Variants in SLC38A1 observed in about 807,000 individuals in gnomAD.
SLC38A1 encodes the protein sodium-coupled neutral amino acid symporter 1.
SLC38A1 carries 18 observed loss-of-function variants against 60.3 expected under a neutral mutation model. That is an observed-to-expected ratio of 0.30 (90% CI 0.21 to 0.44). The LOEUF (loss-of-function observed/expected upper bound fraction) is 0.44, where lower values mean the gene tolerates loss of function less well. Among genes scored for constraint, SLC38A1 ranks in the 20% least tolerant of loss-of-function variants. The pLI, the probability that SLC38A1 is intolerant of heterozygous loss-of-function variation, is 1.00. For missense variants in SLC38A1, 448 were observed against 587.2 expected, an observed-to-expected ratio of 0.76 and a Z score of 2.45; for synonymous variants, 196 against 212.1, an observed-to-expected ratio of 0.92 and a Z score of 0.66.
intron 16 of SLC38A1, chr12:46,196,042 C>T (rs1399358261): frequency 2.2e-5 from 24 of 1,085,118 alleles, no homozygotes; most frequent in African/African-American, 7.9e-5. Flanking sequence ...ATCGATCTTG[C>T]TGGGAGCTGC....
At chr12:46,203,322 G>A (rs757300620) in intron 11 of SLC38A1, among the ~76,000 whole-genome samples, 2 of 152,104 alleles carry the variant, frequency 1.3e-5, no homozygotes, top group African/African-American at 2.4e-5. Context: ...CTCACCTATG[G>A]TGTATTTTAT....
chr12:46,218,415 C>T (rs145556170), intron 5 of SLC38A1, among the ~76,000 whole-genome samples: 21 of 151,724 alleles, frequency 1.4e-4, no homozygotes, highest in Admixed American at 4.6e-4. Context: ...ACTTTTGTTC[C>T]GGTAGAAAGG....
At chr12:46,230,039 T>G (rs1406078046) in intron 3 of SLC38A1, among the ~76,000 whole-genome samples, 1 of 152,226 alleles carries the variant, frequency 6.6e-6, no homozygotes, top group African/African-American at 2.4e-5. Flanking sequence ...ATAAATTAAT[T>G]TTTGTATAGT....
intron 5 of SLC38A1, among the ~76,000 whole-genome samples, chr12:46,226,617 CTTTTTTTTTTT>C (rs199599486): frequency 8.1e-5 from 10 of 122,970 alleles, no homozygotes; most frequent in Admixed American, 1.7e-4. Flanking sequence ...CATGGATTTC[CTTTTTTTTTTT>C]TTTTTTTTTT....
At chr12:46,230,023 T>A (rs1941011945) in intron 3 of SLC38A1, among the ~76,000 whole-genome samples, 1 of 152,186 alleles carries the variant, frequency 6.6e-6, no homozygotes, top group Admixed American at 6.5e-5. Flanking sequence ...AAACACTATA[T>A]GCAACATAAA....
intron 9 of SLC38A1, 44 bp downstream of exon 9, chr12:46,206,036 A>T: frequency 2.6e-6 from 3 of 1,167,820 alleles, no homozygotes; most frequent in Non-Finnish European, 3.8e-6. Context: ...TTTCTGATTC[A>T]CTTGGGCACT....
At chr12:46,236,912 G>C (rs1303680943) in intron 3 of SLC38A1, among the ~76,000 whole-genome samples, 1 of 152,130 alleles carries the variant, frequency 6.6e-6, no homozygotes, top group Non-Finnish European at 1.5e-5. Flanking sequence ...TGGCAGCACT[G>C]GTCTAATGGA....
At chr12:46,263,333 A>G (rs915450468) in intron 1 of SLC38A1, among the ~76,000 whole-genome samples, 8 of 152,296 alleles carry the variant, frequency 5.3e-5, no homozygotes, top group Non-Finnish European at 8.8e-5. Flanking sequence ...TAGAGAACAC[A>G]TGTCCCATCT....
chr12:46,211,694 T>G (rs923619296), intron 5 of SLC38A1, among the ~76,000 whole-genome samples: 1 of 152,192 alleles, frequency 6.6e-6, no homozygotes, highest in African/African-American at 2.4e-5. Flanking sequence ...TGTTCACTTA[T>G]CTTCTTCCCC....
At chr12:46,229,300 A>C (rs1364118669) in intron 4 of SLC38A1, 32 bp from the exon 5 acceptor site, 1 of 1,426,182 alleles carries the variant, frequency 7.0e-7, no homozygotes, top group East Asian at 2.3e-5. Flanking sequence ...GACACTAAGC[A>C]AAATAATCCC....
At chr12:46,196,562 G>T (rs1307508418) in intron 16 of SLC38A1, among the ~76,000 whole-genome samples, 1 of 152,106 alleles carries the variant, frequency 6.6e-6, no homozygotes, top group Non-Finnish European at 1.5e-5. Context: ...GATAAGGCTT[G>T]GAAGGATTTG....
chr12:46,193,806 T>G (rs530729084), intron 16 of SLC38A1, among the ~76,000 whole-genome samples: 10 of 152,270 alleles, frequency 6.6e-5, no homozygotes, highest in Admixed American at 6.5e-4. Flanking sequence ...CTCCATCCTT[T>G]TATTTTGAGC....
At chr12:46,253,261 A>C (rs1450633928) in intron 1 of SLC38A1, among the ~76,000 whole-genome samples, 1 of 152,202 alleles carries the variant, frequency 6.6e-6, no homozygotes, top group African/African-American at 2.4e-5. Context: ...GGATCTCAGG[A>C]AAGAAAGAAT....
At chr12:46,266,501 T>G (rs942649375) in intron 1 of SLC38A1, among the ~76,000 whole-genome samples, 1 of 151,900 alleles carries the variant, frequency 6.6e-6, no homozygotes, top group African/African-American at 2.4e-5. Flanking sequence ...ATTATGGAAA[T>G]AGCTGATCCC....
Position 46,268,870 on chromosome 12 carries a change from C to T in SLC38A1, c.-553G>A, listed in dbSNP as rs1237604501. ...CTCGCCGGCCTCGCACTTACATCGA[C>T]ATGCACCGGCGCTGAGGGTCACGAA... is the stretch of plus-strand genomic sequence containing the variant. On this transcript the variant is annotated 5_prime_UTR_variant, in exon 1 of 17. The change abolishes an upstream ATG in the 5' untranslated region. Coordinates refer to ENST00000398637, the MANE Select transcript of SLC38A1 (RefSeq NM_030674.4). This position sits in a 1 kb window ranked among gnomAD's most constrained non-coding sequence, Gnocchi z 4.4. 2.2e-6 allele frequency: 1 copy of T among 455,936 alleles called. No homozygotes were observed. Among genetic ancestry groups the T allele is most frequent in the Admixed American group, 2.4e-5 (1 of 42,526 alleles). The allele number at this position is 455,936 out of a possible 1,614,324, so 28.2% of individuals were successfully genotyped here.
chr12:46,251,464 G>A (rs1236764763), intron 1 of SLC38A1, among the ~76,000 whole-genome samples: 1 of 152,116 alleles, frequency 6.6e-6, no homozygotes, highest in African/African-American at 2.4e-5. Flanking sequence ...AACACCAAAA[G>A]CAATGGCAAC....
chr12:46,262,021 T>C (rs1177480045), intron 1 of SLC38A1, among the ~76,000 whole-genome samples: 2 of 152,212 alleles, frequency 1.3e-5, no homozygotes, highest in Non-Finnish European at 2.9e-5. Context: ...GCCAGTAGTG[T>C]GAAGGGCAAG....
intron 1 of SLC38A1, among the ~76,000 whole-genome samples, chr12:46,255,269 G>A (rs1351644633): frequency 6.6e-6 from 1 of 152,154 alleles, no homozygotes; most frequent in Admixed American, 6.5e-5. Context: ...GGAAATTTGG[G>A]TTACCTCTGT....
At chr12:46,193,970 G>A (rs1028110026) in intron 16 of SLC38A1, among the ~76,000 whole-genome samples, 3 of 152,142 alleles carry the variant, frequency 2.0e-5, no homozygotes, top group Non-Finnish European at 2.9e-5. Context: ...ATTTGATCCT[G>A]TCATTATGAT....
Sources: allele counts gnomAD v4.1 joint callset (sites outside exome capture counted in the v4.1 genomes callset), GRCh38; gene constraint gnomAD v4.1.1; non-coding constraint Gnocchi (gnomAD v3.1); transcripts MANE v1.5; gene names NCBI Gene and HGNC (gene_info 2026-07-23, HGNC 2026-07-21).